The following ZNF385D variants were observed in gnomAD, a reference collection of about 807,000 sequenced individuals.
The protein encoded by ZNF385D is zinc finger protein 385D.
ZNF385D carries 15 observed loss-of-function variants against 35.8 expected under a neutral mutation model. That is an observed-to-expected ratio of 0.42 (90% confidence interval 0.28 to 0.64). The LOEUF (loss-of-function observed/expected upper bound fraction) is 0.64. Ranked by LOEUF, ZNF385D falls within the 30% of genes least tolerant of loss-of-function variation. ZNF385D has a pLI of 0.23. For synonymous variants in ZNF385D, 212 were observed against 186.8 expected, an observed-to-expected ratio of 1.13 and a Z score of -1.10; for missense variants, 474 against 494.6, an observed-to-expected ratio of 0.96 and a Z score of 0.39.
chr3:21,957,885 CAGG>C (rs1702373496), intron 3 of ZNF385D, among the ~76,000 whole-genome samples: 1 of 152,102 alleles, frequency 6.6e-6, no homozygotes, highest in Non-Finnish European at 1.5e-5. Flanking sequence ...TACAATGTCT[CAGG>C]AGTAGATGTA....
chr3:21,908,910 T>A (rs904060870), intron 3 of ZNF385D, among the ~76,000 whole-genome samples: 2 of 152,110 alleles, frequency 1.3e-5, no homozygotes, highest in Non-Finnish European at 2.9e-5. Context: ...TGAAAATTAT[T>A]TTTTTCAATG....
intron 4 of ZNF385D, among the ~76,000 whole-genome samples, chr3:21,495,443 C>T (rs188471591): frequency 3.9e-5 from 6 of 152,164 alleles, no homozygotes; most frequent in Admixed American, 3.9e-4. Context: ...ACACCCTGCT[C>T]CTGAATTACT....
intron 3 of ZNF385D, among the ~76,000 whole-genome samples, chr3:21,851,458 A>C (rs1223665184): frequency 1.3e-5 from 2 of 152,034 alleles, no homozygotes; most frequent in Non-Finnish European, 2.9e-5. Flanking sequence ...ACAAAACAAA[A>C]ACTTGTACAT....
intron 3 of ZNF385D, among the ~76,000 whole-genome samples, chr3:22,092,125 A>C (rs1000586115): frequency 3.3e-5 from 5 of 152,180 alleles, no homozygotes; most frequent in African/African-American, 1.2e-4. Flanking sequence ...AAAGGCATGC[A>C]CTGTCCTAGT....
At chr3:21,681,494 G>A (rs146737660) in intron 1 of ZNF385D, among the ~76,000 whole-genome samples, 63 of 151,340 alleles carry the variant, frequency 4.2e-4, no homozygotes, top group African/African-American at 1.4e-3. Context: ...GAAATGGCAG[G>A]GCATACCTCA....
intron 2 of ZNF385D, among the ~76,000 whole-genome samples, chr3:22,296,044 TA>T (rs1402751019): frequency 6.6e-6 from 1 of 152,144 alleles, no homozygotes; most frequent in East Asian, 1.9e-4. Context: ...AGGGAAAAAG[TA>T]CAAGTGGAGG....
chr3:21,725,868 G>A (rs1462986445), intron 1 of ZNF385D, among the ~76,000 whole-genome samples: 1 of 152,008 alleles, frequency 6.6e-6, no homozygotes, highest in African/African-American at 2.4e-5. Flanking sequence ...ACCCGGCAGA[G>A]ACATAACAAA....
At chr3:22,043,741 G>A (rs1324314791) in intron 3 of ZNF385D, among the ~76,000 whole-genome samples, 1 of 150,256 alleles carries the variant, frequency 6.7e-6, no homozygotes, top group African/African-American at 2.4e-5. Context: ...CTAGAGATTT[G>A]CTTCTAACTA....
chr3:22,294,448 C>T (rs557010594), intron 2 of ZNF385D, among the ~76,000 whole-genome samples: 1 of 151,792 alleles, frequency 6.6e-6, no homozygotes, highest in Non-Finnish European at 1.5e-5. Flanking sequence ...GTGGGTCCAC[C>T]CCCGCATATT....
At chr3:22,223,016 T>C (rs1035809720) in intron 2 of ZNF385D, among the ~76,000 whole-genome samples, 4 of 152,176 alleles carry the variant, frequency 2.6e-5, no homozygotes, top group Non-Finnish European at 5.9e-5. Flanking sequence ...CAAACTGGGT[T>C]CAGCTATGCC....
At chr3:22,132,285 A>G (rs1215164793) in intron 3 of ZNF385D, among the ~76,000 whole-genome samples, 2 of 152,168 alleles carry the variant, frequency 1.3e-5, no homozygotes, top group African/African-American at 4.8e-5. Flanking sequence ...AGAACACATG[A>G]AACAGTGCCA....
chr3:21,762,154 G>A (rs1040915501), intron 3 of ZNF385D, among the ~76,000 whole-genome samples: 1 of 152,010 alleles, frequency 6.6e-6, no homozygotes, highest in Admixed American at 6.6e-5. Flanking sequence ...TGGGATTACA[G>A]GCGTGAGTCG....
At chr3:21,871,191 T>C (rs530447651) in intron 3 of ZNF385D, among the ~76,000 whole-genome samples, 30 of 152,230 alleles carry the variant, frequency 2.0e-4, no homozygotes, top group African/African-American at 7.0e-4. Context: ...TACCAGGTCC[T>C]GTGCACACAG....
chr3:22,050,302 C>T (rs1699271498), intron 3 of ZNF385D, among the ~76,000 whole-genome samples: 1 of 151,934 alleles, frequency 6.6e-6, no homozygotes, highest in Non-Finnish European at 1.5e-5. Flanking sequence ...GTTGACGCTC[C>T]AGTGAAGCAT....
chr3:21,475,915 C>A (rs1471256255), intron 4 of ZNF385D, among the ~76,000 whole-genome samples: 5 of 149,982 alleles, frequency 3.3e-5, no homozygotes, highest in Non-Finnish European at 7.4e-5. Context: ...TAGGGAAAGA[C>A]CTCATCCTTT....
At chr3:21,530,766 A>G (rs2061902583) in intron 3 of ZNF385D, among the ~76,000 whole-genome samples, 2 of 152,184 alleles carry the variant, frequency 1.3e-5, no homozygotes, top group Non-Finnish European at 2.9e-5. Context: ...CTCTATGTCC[A>G]TCTAAAGGAA....
intron 3 of ZNF385D, among the ~76,000 whole-genome samples, chr3:21,905,228 A>C (rs28716213): frequency 0.08 from 11,708 of 146,810 alleles, 649 homozygotes; most frequent in South Asian, 0.2. Flanking sequence ...AAAAAAAAAA[A>C]CCCTAAACCT....
chr3:21,659,520 G>C (rs1374240228), intron 2 of ZNF385D, among the ~76,000 whole-genome samples: 1 of 152,066 alleles, frequency 6.6e-6, no homozygotes, highest in Non-Finnish European at 1.5e-5. Context: ...GCTGTAACCA[G>C]AGTCCTGAGC....
Position 21,883,449 on chromosome 3 carries a change from A to G in ZNF385D, c.326-218421T>C, listed in dbSNP as rs1698381941. The stretch of plus-strand genomic sequence containing the variant: ...GGCCTTCATTTTTCACATCTATAAA[A>G]TAAGATTTTGCCTGATCATGAGGGT... On this transcript the variant is annotated intron_variant, in intron 3 of 5. Coordinates refer to the ZNF385D transcript ENST00000494108. Among the ~76,000 whole-genome samples, 8 of 152,150 alleles carry G rather than the reference A, an allele frequency of 5.3e-5. 1 individual carries two copies. The South Asian group carries it at 1.7e-3, about 31-fold the overall frequency.
Sources: gnomAD v4.1 joint callset for allele counts (sites outside exome capture counted in the v4.1 genomes callset) on GRCh38, gnomAD v4.1.1 for gene constraint, MANE v1.5 for transcripts, NCBI Gene and HGNC (gene_info 2026-07-23, HGNC 2026-07-21) for gene names.